The following NPHP1 variants were observed in gnomAD, a reference collection of about 807,000 sequenced individuals.
The protein encoded by NPHP1 is nephrocystin-1.
NPHP1 carries 70 observed loss-of-function variants against 90.4 expected under a neutral mutation model. That is an observed-to-expected ratio of 0.77 (90% CI 0.64 to 0.95). The LOEUF (loss-of-function observed/expected upper bound fraction) is 0.95, where lower values mean the gene tolerates loss of function less well. NPHP1 is among the 40% of genes least tolerant of loss of function. The probability of loss-of-function intolerance (pLI) is 0.00; values close to 1 mark genes in which losing one functional copy is unlikely to be tolerated. For synonymous variants in NPHP1, 256 were observed against 271.7 expected, an observed-to-expected ratio of 0.94 and a Z score of 0.57; for missense variants, 764 against 795.9, an observed-to-expected ratio of 0.96 and a Z score of 0.48.
At chr2:110,153,136 G>A (rs970524880) in intron 11 of NPHP1, among the ~76,000 whole-genome samples, 11 of 152,186 alleles carry the variant, frequency 7.2e-5, no homozygotes, top group South Asian at 2.1e-4. Context: ...TAGAAGCCAC[G>A]GAGAACAGAA....
Position 110,148,002 on chromosome 2 carries a change from G to A in NPHP1, c.1183C>T (p.Leu395Phe). The A allele has an allele frequency of 6.2e-7, 1 of 1,607,552 alleles. No individual in the cohort carries two copies. The highest frequency in any genetic ancestry group is 1.1e-5 in the South Asian group (1 of 90,970). ...GACCTGATAAAGCAATCACCATCAAGCAAACATGGTAAGATGCGAGTAACC... is the reference window on the plus strand; with the variant it reads ...GACCTGATAAAGCAATCACCATCAAACAAACATGGTAAGATGCGAGTAACC... ...PQVTRILPCL[L>F]DGDCFIRSNS... Residue 395 changes from leucine (L) to phenylalanine (F), a missense_variant, in exon 13 of 20, where the codon CTT becomes TTT. Physicochemically the swap from Leu to Phe is conservative, Grantham distance 22 (BLOSUM62 0). Transcript: ENST00000445609.
intron 4 of NPHP1, among the ~76,000 whole-genome samples, chr2:110,172,631 A>T (rs1559083952): frequency 6.6e-6 from 1 of 151,998 alleles, no homozygotes. Context: ...AAATTTAAAA[A>T]ATTTGCCAAG....
At chr2:110,179,497 C>T in intron 3 of NPHP1, 127 bp downstream of exon 3, 2 of 597,856 alleles carry the variant, frequency 3.3e-6, no homozygotes, top group Non-Finnish European at 6.2e-6. Context: ...CAAGCCAGCA[C>T]TGGCTGCAGT....
intron 2 of NPHP1, among the ~76,000 whole-genome samples, chr2:110,190,758 C>T (rs530540778): frequency 3.9e-5 from 6 of 152,282 alleles, no homozygotes; most frequent in Admixed American, 1.3e-4. Context: ...TCACCTCTCA[C>T]TATCATCAGA....
At chr2:110,128,924 T>A (rs890704746) in intron 18 of NPHP1, 1 of 501,826 alleles carries the variant, frequency 2.0e-6, no homozygotes, top group African/African-American at 1.9e-5. Context: ...TCAGTGGCCA[T>A]CCTAAGTCAA....
chr2:110,202,533 G>T, intron 1 of NPHP1: 1 of 412,994 alleles, frequency 2.4e-6, no homozygotes, highest in South Asian at 1.7e-5. Context: ...TTTCCAGATA[G>T]TCAAGGTATC....
intron 7 of NPHP1, 36 bp from the exon 8 acceptor site, chr2:110,164,766 G>A (rs763127968): frequency 3.2e-6 from 5 of 1,539,922 alleles, no homozygotes; most frequent in South Asian, 1.1e-5. Context: ...GTCAGGTCAG[G>A]TTATGCCTAT....
intron 10 of NPHP1, 46 bp downstream of exon 10, chr2:110,161,557 C>T (rs916522529): frequency 1.6e-6 from 2 of 1,280,000 alleles, no homozygotes; most frequent in Non-Finnish European, 2.3e-6. Flanking sequence ...GCAACTATGA[C>T]AAAATCTGGA....
At chr2:110,172,708 T>C (rs1056790299) in intron 4 of NPHP1, among the ~76,000 whole-genome samples, 1 of 152,022 alleles carries the variant, frequency 6.6e-6, no homozygotes, top group Non-Finnish European at 1.5e-5. Flanking sequence ...CACTAGAGCC[T>C]GGGAGGTGGA....
chr2:110,150,636 G>A (rs145646364), intron 11 of NPHP1, among the ~76,000 whole-genome samples: 5,868 of 151,818 alleles, frequency 0.039, 184 homozygotes, highest in East Asian at 0.084. Context: ...TGCAACCTCC[G>A]CCTCCCAGGT....
chr2:110,170,148 A>T, intron 4 of NPHP1, 150 bp from the exon 5 acceptor site: 2 of 1,111,364 alleles, frequency 1.8e-6, no homozygotes, highest in South Asian at 1.4e-5. Context: ...AGTTTCTACC[A>T]TCTAGCTAAG....
chr2:110,189,424 G>A (rs1235799559), intron 2 of NPHP1, among the ~76,000 whole-genome samples: 1 of 152,020 alleles, frequency 6.6e-6, no homozygotes, highest in African/African-American at 2.4e-5. Context: ...CGGCACGTCT[G>A]GAGTTGTTCA....
chr2:110,164,864 G>C (rs116005136), intron 7 of NPHP1, 134 bp from the exon 8 acceptor site: 11,036 of 935,012 alleles, frequency 0.012, 142 homozygotes, highest in Non-Finnish European at 0.013. Context: ...AAACGAGGTA[G>C]AGCTAAATGT....
At chr2:110,174,550 T>C (rs1683372974) in intron 4 of NPHP1, among the ~76,000 whole-genome samples, 1 of 152,186 alleles carries the variant, frequency 6.6e-6, no homozygotes, top group Non-Finnish European at 1.5e-5. Flanking sequence ...TCCTTCTACA[T>C]ATAGTCAGTC....
rs1387049946 is a variant in NPHP1 at position 110,129,270 on chromosome 2, AAAC to A, written c.1643-14_1643-12del. ...GATGGCTAATTAAATCTGAAATGCA[AAAC>A]AACAGAAAGAATTTTATGCAAACTT... On this transcript the variant is annotated splice_polypyrimidine_tract_variant and intron_variant, in intron 17 of 19. Transcript: ENST00000445609. The A allele has an allele frequency of 2.5e-6, 4 of 1,604,742 alleles. No individual in the cohort carries two copies. The highest frequency in any genetic ancestry group is 3.4e-6 in the Non-Finnish European group (4 of 1,171,906).
chr2:110,157,426 C>A (rs1285714200), intron 11 of NPHP1, among the ~76,000 whole-genome samples: 1 of 152,036 alleles, frequency 6.6e-6, no homozygotes, highest in Non-Finnish European at 1.5e-5. Context: ...GGATTACCGT[C>A]ATAACATAAG....
At chr2:110,157,505 T>A (rs1463930742) in intron 11 of NPHP1, among the ~76,000 whole-genome samples, 1 of 152,130 alleles carries the variant, frequency 6.6e-6, no homozygotes, top group East Asian at 1.9e-4. Flanking sequence ...AGCAGTATAC[T>A]CAGCATGTGC....
At position 110,204,570 on chromosome 2, in the gene NPHP1, G is replaced by A. The variant is rs940617730; in HGVS notation, c.69+330C>T. Among the ~76,000 whole-genome samples, 4 of 152,178 alleles carry A rather than the reference G, an allele frequency of 2.6e-5. 1 individual carries two copies. Among genetic ancestry groups the A allele is most frequent in the African/African-American group, 9.7e-5 (4 of 41,446 alleles). ...GGAAATGGTTACACCACTAAGTTTA[G>A]ATTGGGAGATAAGGTGGGTTAGTGA... On this transcript the variant is annotated intron_variant, in intron 1 of 19. Coordinates refer to ENST00000445609, the MANE Select transcript of NPHP1 (RefSeq NM_001128178.3).
intron 7 of NPHP1, 93 bp downstream of exon 7, chr2:110,164,959 A>C: frequency 9.4e-7 from 1 of 1,064,824 alleles, no homozygotes; most frequent in Non-Finnish European, 1.4e-6. Flanking sequence ...AGTTGTCTCC[A>C]TTTCAAGAAA....
Sources: gnomAD v4.1 joint callset for allele counts (sites outside exome capture counted in the v4.1 genomes callset) on GRCh38, gnomAD v4.1.1 for gene constraint, MANE v1.5 for transcripts, NCBI Gene and HGNC (gene_info 2026-07-23, HGNC 2026-07-21) for gene names.